Variants in ISLR2 observed in about 807,000 individuals in gnomAD.
The protein encoded by ISLR2 is immunoglobulin superfamily containing leucine-rich repeat protein 2.
A neutral mutation model predicts 25.5 loss-of-function variants in ISLR2; 16 were observed. The ratio of observed to expected loss-of-function variants is 0.63; its 90% CI spans 0.43 to 0.95. The LOEUF (loss-of-function observed/expected upper bound fraction) is 0.95, where lower values mean the gene tolerates loss of function less well. Ranked by LOEUF, ISLR2 falls within the 40% of genes least tolerant of loss-of-function variation. ISLR2 has a pLI of 0.00. For missense variants in ISLR2, 883 were observed against 1,030.7 expected (o/e 0.86, Z 1.96); for synonymous variants, 508 against 486.6 (o/e 1.04, Z -0.58).
At chr15:74,130,275 G>A (rs970746928), upstream of ISLR2, 1 of 152,008 alleles carries the variant, frequency 6.6e-6, no homozygotes, top group African/African-American at 2.4e-5. Context: ...AGGCAAAAAT[G>A]GTAGGGAGGG....
chr15:74,101,964 T>G (rs1471401375), intron 1 of ISLR2, among the ~76,000 whole-genome samples: 1 of 131,640 alleles, frequency 7.6e-6, no homozygotes, highest in East Asian at 2.3e-4. Context: ...CCTGTAATCC[T>G]AGCACTTTGG....
chr15:74,120,144 G>A (rs2072241614), intron 2 of ISLR2, among the ~76,000 whole-genome samples: 1 of 152,210 alleles, frequency 6.6e-6, no homozygotes, highest in Non-Finnish European at 1.5e-5. Context: ...ACCAACTTCA[G>A]CTAAAAGGTC....
At position 74,120,556 on chromosome 15, in the gene ISLR2, C is replaced by T. The variant is rs569189429; in HGVS notation, n.229-10651C>T. 5.3e-5 allele frequency among the ~76,000 whole-genome samples: 8 copies of T among 149,926 alleles called. No homozygotes were observed. In the East Asian group the frequency reaches 7.9e-4, roughly 15 times the overall value. On this transcript the variant is annotated intron_variant and non_coding_transcript_variant, in intron 2 of 3. Transcript: ENST00000561975. The stretch of plus-strand genomic sequence containing the variant: ...AAAAAAAAAAAGTCAGACCAACCCA[C>T]GGGGAGGCAGAGGGTAGGTGAGGGG...
chr15:74,114,585 T>C (rs1397792730), intron 2 of ISLR2, among the ~76,000 whole-genome samples: 1 of 151,384 alleles, frequency 6.6e-6, no homozygotes. Context: ...ATGGCGCCAC[T>C]TGGGGTGACA....
upstream of ISLR2, chr15:74,128,142 C>CGCGCCGGACG (rs1048701167): frequency 4.2e-4 from 125 of 299,614 alleles, no homozygotes; most frequent in Middle Eastern, 3.6e-3. Flanking sequence ...CCCGCTTCTG[C>CGCGCCGGACG]GCGCCGGACG....
At chr15:74,110,957 C>G (rs1294553469) in intron 2 of ISLR2, among the ~76,000 whole-genome samples, 1 of 151,200 alleles carries the variant, frequency 6.6e-6, no homozygotes, top group Admixed American at 6.6e-5. Context: ...GAGAGGAAAA[C>G]TTTGTTTCAA....
At chr15:74,141,447 T>C (rs1433388015), downstream of ISLR2, among the ~76,000 whole-genome samples, 3 of 152,190 alleles carry the variant, frequency 2.0e-5, no homozygotes, top group Admixed American at 2.0e-4. Context: ...ATTGTCGAAA[T>C]GGGGAGAGAA....
At chr15:74,111,591 TATTCATTC>T (rs71137377) in intron 2 of ISLR2, among the ~76,000 whole-genome samples, 29 of 150,940 alleles carry the variant, frequency 1.9e-4, no homozygotes, top group East Asian at 7.8e-4. Context: ...GCCAGGCCTC[TATTCATTC>T]ATTCATTCAT....
chr15:74,121,887 T>C (rs1461809681), intron 2 of ISLR2, among the ~76,000 whole-genome samples: 1 of 152,208 alleles, frequency 6.6e-6, no homozygotes, highest in Non-Finnish European at 1.5e-5. Flanking sequence ...GGGGTCAGCA[T>C]CCTATTATAG....
Position 74,132,891 on chromosome 15 carries a change from C to T in ISLR2, c.137C>T (p.Pro46Leu). 1.9e-6 allele frequency: 3 copies of T among 1,614,094 alleles called. No homozygotes were observed. The highest frequency in any genetic ancestry group is 2.5e-6 in the Non-Finnish European group (3 of 1,179,942). Reference sequence around the variant, plus strand: ...GCTTACAAAGAGTTGCGTGAGGTGCCGGAAGGACTGCCTGCCAACGTGACG... The same window carrying T: ...GCTTACAAAGAGTTGCGTGAGGTGCTGGAAGGACTGCCTGCCAACGTGACG... The part of the protein sequence containing the change: ...DCAYKELREV[P>L]EGLPANVTTL... Residue 46 changes from proline (P) to leucine (L), a missense_variant, in exon 3 of 3, where the codon CCG becomes CTG. This residue lies in a region of ISLR2 where 271 missense variants were observed against 387.9 expected (regional missense o/e 0.70). Coordinates refer to ENST00000453268, the MANE Select transcript of ISLR2 (RefSeq NM_020851.3). This position sits in a 1 kb window ranked among gnomAD's most constrained non-coding sequence, Gnocchi z 4.3.
In ISLR2 at chr15:74,133,465, G is replaced by T. The variant is rs895963494; in HGVS notation, c.711G>T (p.Leu237=). ...ALPCAPPSVH[L]SAEPPLEAPG... is the part of the protein sequence containing the mutation. ...CCTGTGCACCGCCCAGCGTGCATCTGAGTGCCGAGCCACCGCTTGAAGCAC... is the reference window on the plus strand; with the variant it reads ...CCTGTGCACCGCCCAGCGTGCATCTTAGTGCCGAGCCACCGCTTGAAGCAC... Residue 237 remains leucine (L), a synonymous_variant, in exon 3 of 3, where the codon CTG becomes CTT. Transcript: ENST00000453268. 3.1e-6 allele frequency: 5 copies of T among 1,612,482 alleles called. No individual in the cohort carries two copies. The highest frequency in any genetic ancestry group is 3.3e-5 in the Admixed American group (2 of 60,006).
chr15:74,108,409 C>G (rs1188683916), intron 2 of ISLR2, among the ~76,000 whole-genome samples: 1 of 152,128 alleles, frequency 6.6e-6, no homozygotes, highest in Admixed American at 6.5e-5. Flanking sequence ...GCTGGGGGCA[C>G]CAGGATACCC....
downstream of ISLR2, among the ~76,000 whole-genome samples, chr15:74,137,829 T>C (rs911826277): frequency 6.6e-6 from 1 of 152,232 alleles, no homozygotes; most frequent in Non-Finnish European, 1.5e-5. Flanking sequence ...CAAGTTCCAA[T>C]GCTCAGGGTC....
chr15:74,130,352 A>G (rs923756952), upstream of ISLR2: 8 of 151,844 alleles, frequency 5.3e-5, no homozygotes, highest in African/African-American at 1.5e-4. Flanking sequence ...GGAGGCGGCT[A>G]GCAGCGGGGG....
upstream of ISLR2, chr15:74,128,535 G>A: frequency 2.2e-6 from 1 of 456,642 alleles, no homozygotes. Context: ...GAAGTTTCGG[G>A]GTTGCTTATA....
At chr15:74,115,720 A>C (rs1380421592) in intron 2 of ISLR2, among the ~76,000 whole-genome samples, 1 of 152,062 alleles carries the variant, frequency 6.6e-6, no homozygotes, top group East Asian at 1.9e-4. Flanking sequence ...ATAACAGGCA[A>C]AATAGGGCCT....
intron 1 of ISLR2, among the ~76,000 whole-genome samples, chr15:74,130,876 T>C (rs1595945902): frequency 6.6e-6 from 1 of 151,704 alleles, no homozygotes; most frequent in Non-Finnish European, 1.5e-5. Context: ...CCAGCGGCTG[T>C]GTAAATGTGG....
In ISLR2 at chr15:74,131,324, A is replaced by G. The variant is rs2072413104; in HGVS notation, c.-9+8A>G. The G allele has an allele frequency of 6.5e-6, 1 of 152,742 alleles. No individual in the cohort carries two copies. Among genetic ancestry groups the G allele is most frequent in the African/African-American group, 2.4e-5 (1 of 41,426 alleles). 9.5% of individuals were successfully genotyped at this position (152,742 alleles called of 1,614,324 possible). On this transcript the variant is annotated splice_region_variant and intron_variant, in intron 2 of 2. Coordinates refer to ENST00000453268, the MANE Select transcript of ISLR2 (RefSeq NM_020851.3). ...AGAGTCGGCGAATATTGGGTAAGCA[A>G]TGGGGGCCACCCCACAACCTTGACC...
chr15:74,104,586 C>G (rs1304052342), intron 2 of ISLR2, among the ~76,000 whole-genome samples: 1 of 152,084 alleles, frequency 6.6e-6, no homozygotes, highest in Non-Finnish European at 1.5e-5. Context: ...AGTTCAAGAC[C>G]AGCCTGGGCA....
Sources: gnomAD v4.1 joint callset for allele counts (sites outside exome capture counted in the v4.1 genomes callset) on GRCh38, gnomAD v4.1.1 for gene constraint, gnomAD v4.1.1 regional missense constraint, Gnocchi (gnomAD v3.1) non-coding constraint, MANE v1.5 for transcripts, NCBI Gene and HGNC (gene_info 2026-07-23, HGNC 2026-07-21) for gene names.